ARK2C: variants seen among roughly 807,000 people sequenced by gnomAD.
ARK2C encodes the protein E3 ubiquitin-protein ligase ARK2C.
the ARK2C span, among the ~76,000 whole-genome samples, chr18:46,389,568 TG>T: frequency 6.6e-6 from 1 of 152,108 alleles, no homozygotes; most frequent in African/African-American, 2.4e-5. Context: ...GGGGCAACCG[TG>T]GGGGTGGATT....
chr18:46,443,760 G>C, the ARK2C span, among the ~76,000 whole-genome samples: 2 of 152,232 alleles, frequency 1.3e-5, no homozygotes, highest in African/African-American at 4.8e-5. Context: ...GCCAATCTCT[G>C]CTTTAAACAG....
chr18:46,376,558 T>A, the ARK2C span, among the ~76,000 whole-genome samples: 6 of 152,142 alleles, frequency 3.9e-5, no homozygotes, highest in Non-Finnish European at 8.8e-5. Context: ...TCGACCAGAT[T>A]TTGTGGGATG....
chr18:46,432,943 T>A, the ARK2C span, among the ~76,000 whole-genome samples: 2 of 151,478 alleles, frequency 1.3e-5, no homozygotes, highest in South Asian at 4.2e-4. Flanking sequence ...AGACTCCGTC[T>A]CAAAAAATAA....
the ARK2C span, among the ~76,000 whole-genome samples, chr18:46,413,319 G>T: frequency 6.6e-6 from 1 of 152,012 alleles, no homozygotes; most frequent in Non-Finnish European, 1.5e-5. Flanking sequence ...AGGGACCCTG[G>T]GAAGATGCTC....
chr18:46,353,981 C>T, the ARK2C span, among the ~76,000 whole-genome samples: 6 of 152,090 alleles, frequency 3.9e-5, no homozygotes, highest in East Asian at 1.9e-4. Context: ...CCTCATTTTA[C>T]GGGGACTTGG....
At chr18:46,431,253 T>A in the ARK2C span, among the ~76,000 whole-genome samples, 1 of 152,204 alleles carries the variant, frequency 6.6e-6, no homozygotes, top group African/African-American at 2.4e-5. Context: ...ATTTGGTAGG[T>A]TCTCTTTCTC....
chr18:46,414,991 T>C, the ARK2C span, among the ~76,000 whole-genome samples: 2 of 152,158 alleles, frequency 1.3e-5, no homozygotes, highest in Non-Finnish European at 2.9e-5. Flanking sequence ...TCTCAGCTCA[T>C]GGACACTCCA....
the ARK2C span, chr18:46,385,774 A>G: frequency 6.6e-6 from 1 of 152,214 alleles, no homozygotes; most frequent in African/African-American, 2.4e-5. Context: ...GTTAATTAAA[A>G]AATCAGTGTT....
the ARK2C span, among the ~76,000 whole-genome samples, chr18:46,375,891 G>A: frequency 6.6e-6 from 1 of 152,208 alleles, no homozygotes; most frequent in Non-Finnish European, 1.5e-5. Context: ...TGGGGAAATA[G>A]CAAAACAGGT....
At chr18:46,447,663 T>C in the ARK2C span, 1 of 1,614,120 alleles carries the variant, frequency 6.2e-7, no homozygotes, top group Non-Finnish European at 8.5e-7. Flanking sequence ...AATGCACCAC[T>C]TTCCCAGAAA....
At chr18:46,394,962 C>T in the ARK2C span, among the ~76,000 whole-genome samples, 5 of 152,236 alleles carry the variant, frequency 3.3e-5, no homozygotes, top group African/African-American at 1.2e-4. Flanking sequence ...TCCGAATGTG[C>T]TATAATGTCC....
At chr18:46,376,512 G>A in the ARK2C span, among the ~76,000 whole-genome samples, 22 of 152,176 alleles carry the variant, frequency 1.4e-4, no homozygotes, top group Admixed American at 1.4e-3. Context: ...AAGATCCCCT[G>A]ATGGGACCTC....
At chr18:46,407,031 CCTT>C in the ARK2C span, among the ~76,000 whole-genome samples, 1 of 152,294 alleles carries the variant, frequency 6.6e-6, no homozygotes, top group East Asian at 1.9e-4. Flanking sequence ...TTATCTAAAA[CCTT>C]CTTGAACTCG....
chr18:46,342,364 C>G, the ARK2C span, among the ~76,000 whole-genome samples: 1 of 152,356 alleles, frequency 6.6e-6, no homozygotes, highest in Admixed American at 6.5e-5. Flanking sequence ...GGGACCGATT[C>G]TGAATGCTAG....
At chr18:46,453,160 C>T in the ARK2C span, among the ~76,000 whole-genome samples, 10 of 152,164 alleles carry the variant, frequency 6.6e-5, no homozygotes, top group African/African-American at 1.2e-4. Flanking sequence ...TGATTTCAAC[C>T]GCAGTTATTG....
At chr18:46,365,954 T>A in the ARK2C span, among the ~76,000 whole-genome samples, 1 of 152,124 alleles carries the variant, frequency 6.6e-6, no homozygotes, top group Non-Finnish European at 1.5e-5. Flanking sequence ...AGTCACATCT[T>A]GTGAACAGAC....
chr18:46,451,460 T>C, the ARK2C span, among the ~76,000 whole-genome samples: 2 of 152,110 alleles, frequency 1.3e-5, no homozygotes, highest in East Asian at 1.9e-4. Context: ...TAGATAAACA[T>C]ACAGTGGCAC....
chr18:46,367,559 CT>C, the ARK2C span, among the ~76,000 whole-genome samples: 1 of 152,168 alleles, frequency 6.6e-6, no homozygotes, highest in African/African-American at 2.4e-5. Flanking sequence ...GACCCATTGC[CT>C]TGTGCCCTCA....
the ARK2C span, among the ~76,000 whole-genome samples, chr18:46,435,869 A>G: frequency 1.3e-5 from 2 of 152,178 alleles, no homozygotes; most frequent in South Asian, 2.1e-4. Context: ...ACAGGCTTAC[A>G]TTGCATCTTG....
Sources: allele counts gnomAD v4.1 joint callset (sites outside exome capture counted in the v4.1 genomes callset), GRCh38; gene constraint gnomAD v4.1.1; transcripts MANE v1.5; gene names NCBI Gene and HGNC (gene_info 2026-07-23, HGNC 2026-07-21).